Variants in ANK2 observed in about 807,000 individuals in gnomAD.
ANK2 encodes ankyrin-2.
Under a neutral mutation model 360.5 loss-of-function variants are expected in ANK2, and 83 were observed. That is an observed-to-expected ratio of 0.23 (90% CI 0.19 to 0.28). The LOEUF (loss-of-function observed/expected upper bound fraction) is 0.28, where lower values mean the gene tolerates loss of function less well. Ranked by LOEUF, ANK2 falls within the 10% of genes least tolerant of loss-of-function variation. The pLI, the probability that ANK2 is intolerant of heterozygous loss-of-function variation, is 1.00. For missense variants in ANK2, 4,201 were observed against 4,795.7 expected (o/e 0.88, Z 3.66); for synonymous variants, 1,740 against 1,759.5 (o/e 0.99, Z 0.28).
At chr4:113,115,933 G>C (rs993613748) in intron 1 of ANK2, among the ~76,000 whole-genome samples, 1 of 152,164 alleles carries the variant, frequency 6.6e-6, no homozygotes, top group Non-Finnish European at 1.5e-5. Flanking sequence ...GTATTGGGAA[G>C]GAACGTCCAT....
intron 2 of ANK2, among the ~76,000 whole-genome samples, chr4:112,918,214 G>A (rs907866792): frequency 6.6e-6 from 1 of 152,116 alleles, no homozygotes. Flanking sequence ...CTTGAGAAGG[G>A]CTCTGAGCTC....
intron 2 of ANK2, among the ~76,000 whole-genome samples, chr4:112,993,121 A>G (rs6849022): frequency 0.66 from 100,020 of 151,326 alleles, 34,509 homozygotes; most frequent in Admixed American, 0.77. Flanking sequence ...TGTCTCTACA[A>G]AAAATAAAAA....
chr4:112,789,889 C>A, the ANK2 span, among the ~76,000 whole-genome samples: 1 of 152,190 alleles, frequency 6.6e-6, no homozygotes, highest in Admixed American at 6.5e-5. Context: ...CACCTTATAT[C>A]TGTTAGGATG....
At chr4:112,984,726 G>T (rs1214011974) in intron 2 of ANK2, among the ~76,000 whole-genome samples, 1 of 152,068 alleles carries the variant, frequency 6.6e-6, no homozygotes, top group Non-Finnish European at 1.5e-5. Context: ...ACCCAATCAT[G>T]AGAGGTTATT....
chr4:113,258,318 C>A lies in ANK2; in HGVS notation c.1293C>A (p.Gly431=), dbSNP rs369287939. Residue 431 remains glycine, a synonymous_variant, in exon 13 of 46, where the codon GGC becomes GGA. Transcript: ENST00000357077. ...GASIQAITES[G]LTPIHVAAFM... ...GCTGTTGCTTTGTTTCGCAGTCTGG[C>A]CTCACACCAATACATGTGGCTGCCT... 1 of 1,613,976 alleles carries A rather than the reference C, an allele frequency of 6.2e-7. No homozygotes were observed. Among genetic ancestry groups the A allele is most frequent in the South Asian group, 1.1e-5 (1 of 91,076 alleles).
chr4:113,113,372 AGTT>A (rs1166164935), intron 1 of ANK2, among the ~76,000 whole-genome samples: 1 of 152,176 alleles, frequency 6.6e-6, no homozygotes, highest in East Asian at 1.9e-4. Flanking sequence ...TGGCTAGCTC[AGTT>A]GTTATTAAAC....
chr4:113,049,650 A>G (rs2066020476), upstream of ANK2: 1 of 1,467,000 alleles, frequency 6.8e-7, no homozygotes, highest in Non-Finnish European at 9.2e-7. Context: ...GCTTTCCTCC[A>G]GTAAGTGCAT....
chr4:113,223,368 C>T (rs2099172741), intron 4 of ANK2, among the ~76,000 whole-genome samples: 1 of 152,250 alleles, frequency 6.6e-6, no homozygotes, highest in South Asian at 2.1e-4. Flanking sequence ...AAGAGGAAGT[C>T]TACTTACAAA....
intron 4 of ANK2, among the ~76,000 whole-genome samples, chr4:113,210,334 T>C (rs916886292): frequency 6.6e-6 from 1 of 152,096 alleles, no homozygotes; most frequent in Non-Finnish European, 1.5e-5. Context: ...TTGAAGAAAA[T>C]AAGATGAAGA....
chr4:113,060,644 C>T (rs2072760648), intron 1 of ANK2, among the ~76,000 whole-genome samples: 2 of 139,930 alleles, frequency 1.4e-5, no homozygotes, highest in South Asian at 2.4e-4. Flanking sequence ...CATATGCCTT[C>T]GCTGATTGGT....
At chr4:112,821,200 C>T (rs2056919941) in intron 1 of ANK2, among the ~76,000 whole-genome samples, 1 of 152,128 alleles carries the variant, frequency 6.6e-6, no homozygotes, top group Non-Finnish European at 1.5e-5. Context: ...CAGGCATGAG[C>T]CACCCCGCCC....
In ANK2 at chr4:113,369,816, CCT is replaced by C; in HGVS notation, c.11610+15_11610+16del. The C allele has an allele frequency of 6.2e-7, 1 of 1,613,954 alleles. No individual in the cohort carries two copies. The highest frequency in any genetic ancestry group is 1.1e-5 in the South Asian group (1 of 91,038). ...GCAGCTTTTGAAAAGGTAAGACATT[CCT>C]CTCCACTTTCTCGCCCACCTGTAAC... On this transcript the variant is annotated intron_variant, in intron 43 of 45. Coordinates refer to ENST00000357077, the MANE Select transcript of ANK2 (RefSeq NM_001148.6).
chr4:112,840,253 T>G (rs879742690), intron 1 of ANK2, among the ~76,000 whole-genome samples: 2 of 152,186 alleles, frequency 1.3e-5, no homozygotes, highest in South Asian at 2.1e-4. Flanking sequence ...ATGACTCTTA[T>G]GCACTGGCCC....
intron 37 of ANK2, among the ~76,000 whole-genome samples, chr4:113,351,854 A>C (rs2095433087): frequency 6.6e-6 from 1 of 152,248 alleles, no homozygotes; most frequent in Non-Finnish European, 1.5e-5. Context: ...ATAATCATTA[A>C]ATAATCTTCA....
intron 2 of ANK2, among the ~76,000 whole-genome samples, chr4:112,913,786 A>G (rs893635593): frequency 5.3e-5 from 8 of 152,190 alleles, no homozygotes; most frequent in Admixed American, 3.3e-4. Context: ...AACATAGTGC[A>G]TGGACTAGAG....
intron 1 of ANK2, among the ~76,000 whole-genome samples, chr4:112,884,555 C>T (rs1184297404): frequency 1.3e-5 from 2 of 151,878 alleles, no homozygotes; most frequent in Non-Finnish European, 2.9e-5. Context: ...ATAGTCTGTC[C>T]TCTGTCCAAA....
rs1563056547 is a variant in ANK2, at chr4:113,233,104, C to CTTTTTT, written c.483+846_483+847insTTTTTT. 3.1e-4 allele frequency among the ~76,000 whole-genome samples: 9 copies of CTTTTTT among 29,296 alleles called. 4 individuals are homozygous for CTTTTTT. Among genetic ancestry groups the CTTTTTT allele is most frequent in the African/African-American group, 2.8e-4 (2 of 7,106 alleles). 19.2% of individuals were successfully genotyped at this position (29,296 alleles called of 152,430 possible). A position where few individuals can be genotyped will look rare whatever the true frequency, so the allele number is the denominator to read the frequency against. ...ACCAGAGTATATGGGCTTGGCTTTT[C>CTTTTTT]TGTTTTTTTTTTTTTTTTTTTTTTT... On this transcript the variant is annotated intron_variant, in intron 5 of 45. Coordinates refer to ENST00000357077, the MANE Select transcript of ANK2 (RefSeq NM_001148.6).
At chr4:112,869,607 G>A (rs1335632669) in intron 1 of ANK2, among the ~76,000 whole-genome samples, 1 of 152,150 alleles carries the variant, frequency 6.6e-6, no homozygotes, top group Non-Finnish European at 1.5e-5. Flanking sequence ...AGTATCTTTT[G>A]ACATACAAAT....
At chr4:113,047,132 A>G (rs1408836964), upstream of ANK2, among the ~76,000 whole-genome samples, 1 of 152,208 alleles carries the variant, frequency 6.6e-6, no homozygotes, top group East Asian at 1.9e-4. Flanking sequence ...TTTGCCAAGA[A>G]GTTCCCATCT....
Sources: allele counts gnomAD v4.1 joint callset (sites outside exome capture counted in the v4.1 genomes callset), GRCh38; gene constraint gnomAD v4.1.1; transcripts MANE v1.5; gene names NCBI Gene and HGNC (gene_info 2026-07-23, HGNC 2026-07-21).